Variants in MAP2 observed in about 807,000 individuals in gnomAD.
The protein encoded by MAP2 is microtubule associated protein 2.
Under a neutral mutation model 137.6 loss-of-function variants are expected in MAP2, and 14 were observed. The observed-to-expected ratio is 0.10, with a 90% confidence interval of 0.07 to 0.16. MAP2 has a LOEUF of 0.16. Ranked by LOEUF, MAP2 falls within the 10% of genes least tolerant of loss-of-function variation. The pLI is 1.00. For synonymous variants in MAP2, 786 were observed against 782.3 expected (o/e 1.00, Z -0.08); for missense variants, 2,088 against 2,191.5 (o/e 0.95, Z 0.94).
At chr2:209,559,450 A>T (rs2071456651) in intron 2 of MAP2, among the ~76,000 whole-genome samples, 1 of 142,690 alleles carries the variant, frequency 7.0e-6, no homozygotes, top group Admixed American at 7.3e-5. Flanking sequence ...CCTGGCCAAC[A>T]TGGTGAAACT....
chr2:209,455,002 C>T (rs368018146), intron 1 of MAP2, among the ~76,000 whole-genome samples: 3 of 152,284 alleles, frequency 2.0e-5, no homozygotes, highest in Admixed American at 1.3e-4. Context: ...CTTGCTGTGT[C>T]CCCACATGGT....
rs184032177 is a variant in MAP2, at chr2:209,552,934, T to G, written c.-171-27102T>G. Reference sequence around the variant, plus strand: ...TTGAAATTAATTTAGCTGGGAAAAATATTAAGACTATAACAAACACTGTTT... The same window carrying G: ...TTGAAATTAATTTAGCTGGGAAAAAGATTAAGACTATAACAAACACTGTTT... On this transcript the variant is annotated intron_variant, in intron 2 of 15. Transcript: ENST00000682079. Among the ~76,000 whole-genome samples, 1,234 of 151,948 alleles carry G rather than the reference T, an allele frequency of 8.1e-3. 2 individuals carry two copies. Among genetic ancestry groups the G allele is most frequent in the Non-Finnish European group, 0.012 (802 of 67,962 alleles).
intron 1 of MAP2, among the ~76,000 whole-genome samples, chr2:209,505,183 C>G (rs1191754541): frequency 6.6e-6 from 1 of 152,140 alleles, no homozygotes; most frequent in East Asian, 1.9e-4. Flanking sequence ...GTTTATGGCA[C>G]CCTTAGTATC....
intron 7 of MAP2, among the ~76,000 whole-genome samples, chr2:209,683,092 G>T (rs1263901818): frequency 6.6e-6 from 1 of 152,048 alleles, no homozygotes; most frequent in African/African-American, 2.4e-5. Flanking sequence ...CCATCCATCT[G>T]GGAATTCACC....
intron 1 of MAP2, among the ~76,000 whole-genome samples, chr2:209,452,185 C>A (rs1700471194): frequency 6.6e-6 from 1 of 152,120 alleles, no homozygotes; most frequent in Non-Finnish European, 1.5e-5. Flanking sequence ...AAGTGACAGT[C>A]TAGGTATTTT....
intron 2 of MAP2, among the ~76,000 whole-genome samples, chr2:209,511,482 G>A (rs9288409): frequency 0.53 from 80,930 of 152,030 alleles, 22,572 homozygotes; most frequent in Middle Eastern, 0.63. Context: ...CTATATTAAA[G>A]TGTTCTGGTG....
At position 209,680,833 on chromosome 2, in the gene MAP2, G is replaced by A; in HGVS notation, c.454+6G>A. 6.2e-7 allele frequency: 1 copy of A among 1,612,594 alleles called. No homozygotes were observed. The highest frequency in any genetic ancestry group is 8.5e-7 in the Non-Finnish European group (1 of 1,178,802). On this transcript the variant is annotated splice_donor_region_variant and intron_variant, in intron 7 of 15. Coordinates refer to ENST00000682079, the MANE Select transcript of MAP2 (RefSeq NM_001375505.1). Reference sequence around the variant, plus strand: ...GACTGTCACAGTGGAGGAAGGTAAGGCCTATTGGACTTTTCAGGGTTTGTC... The same window carrying A: ...GACTGTCACAGTGGAGGAAGGTAAGACCTATTGGACTTTTCAGGGTTTGTC...
chr2:209,658,605 C>T (rs1356832187), intron 5 of MAP2, among the ~76,000 whole-genome samples: 1 of 151,872 alleles, frequency 6.6e-6, no homozygotes, highest in East Asian at 1.9e-4. Flanking sequence ...CTCCCGGGTT[C>T]AAGCGATTCT....
intron 4 of MAP2, among the ~76,000 whole-genome samples, chr2:209,652,638 A>T (rs749033637): frequency 6.6e-6 from 1 of 152,192 alleles, no homozygotes; most frequent in Non-Finnish European, 1.5e-5. Flanking sequence ...ACTAAAAGTC[A>T]TGATTTAAGA....
chr2:209,653,634 T>C (rs1278779733), intron 5 of MAP2, among the ~76,000 whole-genome samples: 7 of 152,212 alleles, frequency 4.6e-5, no homozygotes, highest in African/African-American at 1.4e-4. Context: ...CTCAATCCCA[T>C]TCCCCTATTT....
chr2:209,474,185 A>G (rs1049322493), intron 1 of MAP2, among the ~76,000 whole-genome samples: 1 of 152,196 alleles, frequency 6.6e-6, no homozygotes, highest in South Asian at 2.1e-4. Flanking sequence ...AACCAAAGCA[A>G]TTTTGGCTAC....
At chr2:209,701,905 A>G (rs1203862297) in intron 11 of MAP2, among the ~76,000 whole-genome samples, 1 of 152,098 alleles carries the variant, frequency 6.6e-6, no homozygotes, top group East Asian at 1.9e-4. Flanking sequence ...TCTATTAGTT[A>G]TATGATCCTT....
At chr2:209,514,734 G>A (rs1030640484) in intron 2 of MAP2, among the ~76,000 whole-genome samples, 1 of 152,034 alleles carries the variant, frequency 6.6e-6, no homozygotes, top group Non-Finnish European at 1.5e-5. Flanking sequence ...AGTAGTACAA[G>A]GGATAAACTC....
chr2:209,577,293 C>T (rs1463767316), intron 2 of MAP2, among the ~76,000 whole-genome samples: 2 of 151,770 alleles, frequency 1.3e-5, no homozygotes, highest in Non-Finnish European at 2.9e-5. Context: ...TGATTATTAC[C>T]TGTGGTAGTC....
At chr2:209,519,142 A>G (rs978631459) in intron 2 of MAP2, among the ~76,000 whole-genome samples, 1 of 152,144 alleles carries the variant, frequency 6.6e-6, no homozygotes, top group Non-Finnish European at 1.5e-5. Flanking sequence ...CACTTTTACT[A>G]TTAAGCATTA....
Position 209,528,929 on chromosome 2 carries a change from TATAC to T in MAP2, c.-172+21296_-172+21299del, listed in dbSNP as rs201933473. On this transcript the variant is annotated intron_variant, in intron 2 of 15. Transcript: ENST00000682079. ...ACACATATATACACACATACATATA[TATAC>T]ATACATATGTACATATACATATATC... Among the ~76,000 whole-genome samples the T allele has an allele frequency of 2.0e-3, 308 of 151,736 alleles. 2 individuals carry two copies. In the Middle Eastern group the frequency reaches 0.035, roughly 17 times the overall value.
At chr2:209,701,943 A>C (rs915186952) in intron 11 of MAP2, among the ~76,000 whole-genome samples, 1 of 152,084 alleles carries the variant, frequency 6.6e-6, no homozygotes. Flanking sequence ...TTTTCTAAAA[A>C]TAAAGGGGAG....
intron 2 of MAP2, among the ~76,000 whole-genome samples, chr2:209,524,093 G>A (rs2063671836): frequency 6.6e-6 from 1 of 151,780 alleles, no homozygotes; most frequent in Admixed American, 6.6e-5. Flanking sequence ...ACTACATATT[G>A]TGGTATGAGT....
At chr2:209,437,193 G>A (rs1696531171) in intron 1 of MAP2, among the ~76,000 whole-genome samples, 1 of 151,612 alleles carries the variant, frequency 6.6e-6, no homozygotes, top group South Asian at 2.1e-4. Context: ...AAAAAAAATG[G>A]GGTGGATTTG....
Sources: gnomAD v4.1 joint callset for allele counts (sites outside exome capture counted in the v4.1 genomes callset) on GRCh38, gnomAD v4.1.1 for gene constraint, MANE v1.5 for transcripts, NCBI Gene and HGNC (gene_info 2026-07-23, HGNC 2026-07-21) for gene names.